FAM83B: variants seen among roughly 807,000 people sequenced by gnomAD.
The protein encoded by FAM83B is protein FAM83B.
Under a neutral mutation model 38.8 loss-of-function variants are expected in FAM83B, and 26 were observed. The ratio of observed to expected loss-of-function variants is 0.67; its 90% confidence interval spans 0.49 to 0.93. FAM83B has a LOEUF of 0.93. Ranked by LOEUF, FAM83B falls within the 40% of genes least tolerant of loss-of-function variation. The pLI, the probability that FAM83B is intolerant of heterozygous loss-of-function variation, is 0.00. For missense variants in FAM83B, 1,237 were observed against 1,197.3 expected, an observed-to-expected ratio of 1.03 and a Z score of -0.49; for synonymous variants, 419 against 423.1, an observed-to-expected ratio of 0.99 and a Z score of 0.12.
chr6:54,911,311 A>C (rs925471839), intron 2 of FAM83B, among the ~76,000 whole-genome samples: 9 of 152,020 alleles, frequency 5.9e-5, no homozygotes, highest in Non-Finnish European at 1.2e-4. Context: ...AGAAAAAAAA[A>C]AACAAAAGCA....
intron 2 of FAM83B, among the ~76,000 whole-genome samples, chr6:54,900,502 T>C (rs1298741459): frequency 2.0e-5 from 3 of 152,136 alleles, no homozygotes. Context: ...AGTTCAAAAA[T>C]ATAAAAAATA....
intron 2 of FAM83B, among the ~76,000 whole-genome samples, chr6:54,880,375 A>G (rs73439703): frequency 0.095 from 14,504 of 151,986 alleles, 793 homozygotes; most frequent in South Asian, 0.15. Flanking sequence ...TACAGATAAA[A>G]TACCTCCAAA....
intron 2 of FAM83B, among the ~76,000 whole-genome samples, chr6:54,896,388 C>T (rs1772535282): frequency 6.6e-6 from 1 of 152,100 alleles, no homozygotes; most frequent in Non-Finnish European, 1.5e-5. Context: ...ACATGCAAAG[C>T]TTGTTGGTAG....
chr6:54,860,232 A>T (rs1771545637), intron 1 of FAM83B, among the ~76,000 whole-genome samples: 1 of 152,152 alleles, frequency 6.6e-6, no homozygotes. Flanking sequence ...TTGCATTTGA[A>T]TAGTGGTGTT....
rs563606615 is a variant in FAM83B at position 54,926,547 on chromosome 6, G to GTT, written c.609+21_609+22dup. The GTT allele has an allele frequency of 9.7e-5, 132 of 1,367,810 alleles. No individual in the cohort carries two copies. The highest frequency in any genetic ancestry group is 3.1e-4 in the South Asian group (20 of 63,532). The allele number at this position is 1,367,810 out of a possible 1,614,324, so 84.7% of individuals were successfully genotyped here. On this transcript the variant is annotated intron_variant, in intron 3 of 4. Coordinates refer to ENST00000306858, the MANE Select transcript of FAM83B (RefSeq NM_001010872.3). ...TTCAGCGTCTCAGGGTAAGAATTCT[G>GTT]TTTTTTTTTTCCTCAAGTATTTTAT...
At chr6:54,854,598 T>A (rs1165175410) in intron 1 of FAM83B, among the ~76,000 whole-genome samples, 1 of 152,210 alleles carries the variant, frequency 6.6e-6, no homozygotes, top group Non-Finnish European at 1.5e-5. Context: ...TTCATTGATG[T>A]TTCAGACATA....
intron 2 of FAM83B, among the ~76,000 whole-genome samples, chr6:54,880,445 T>TC (rs1247359123): frequency 7.0e-6 from 1 of 143,782 alleles, no homozygotes; most frequent in Non-Finnish European, 1.5e-5. Flanking sequence ...AGGTTTCTTT[T>TC]TTTTTTTTTT....
chr6:54,903,838 T>A (rs1437872601), intron 2 of FAM83B, among the ~76,000 whole-genome samples: 1 of 152,046 alleles, frequency 6.6e-6, no homozygotes, highest in Non-Finnish European at 1.5e-5. Flanking sequence ...TTCTGTACAG[T>A]CTTACATTTC....
chr6:54,928,603 CAT>C (rs1468444569), intron 4 of FAM83B, among the ~76,000 whole-genome samples: 4 of 152,092 alleles, frequency 2.6e-5, no homozygotes, highest in Admixed American at 2.6e-4. Flanking sequence ...CAAATGAAAA[CAT>C]ATTAACAGCA....
intron 2 of FAM83B, among the ~76,000 whole-genome samples, chr6:54,878,846 GCAT>G (rs1772059340): frequency 6.6e-6 from 1 of 151,956 alleles, no homozygotes; most frequent in Admixed American, 6.6e-5. Flanking sequence ...CTAAGAATGA[GCAT>G]ATCAGATATT....
chr6:54,868,357 AG>A (rs1178639387), intron 1 of FAM83B, among the ~76,000 whole-genome samples: 1 of 152,174 alleles, frequency 6.6e-6, no homozygotes, highest in Non-Finnish European at 1.5e-5. Context: ...AAATGTCTCC[AG>A]ATGTTGTCAG....
chr6:54,911,062 C>T (rs1419881651), intron 2 of FAM83B, among the ~76,000 whole-genome samples: 4 of 151,178 alleles, frequency 2.6e-5, no homozygotes, highest in African/African-American at 7.3e-5. Flanking sequence ...TTTTTCTTTT[C>T]TTAGTCTGTT....
At chr6:54,848,850 A>G (rs1771200461) in intron 1 of FAM83B, among the ~76,000 whole-genome samples, 1 of 152,198 alleles carries the variant, frequency 6.6e-6, no homozygotes, top group Non-Finnish European at 1.5e-5. Flanking sequence ...AAAAGAGGCC[A>G]CTTAGCTTAA....
At position 54,940,204 on chromosome 6, in the gene FAM83B, T is replaced by G. The variant is rs1185326557; in HGVS notation, c.1233T>G (p.Asn411Lys). ...ATAGGGCTCTGAATAGAACCAATAA[T>G]CCACCTGGTAATTGGAAAAAGCCAT... ...LLNRALNRTN[N>K]PPGNWKKPSD... The change falls in exon 5 of 5, where the codon AAT (asparagine) becomes AAG (lysine). Residue 411 changes from asparagine to lysine, a missense_variant. Asn to Lys is a moderately conservative substitution (Grantham distance 94). Coordinates refer to ENST00000306858, the MANE Select transcript of FAM83B (RefSeq NM_001010872.3). 2 of 1,613,902 alleles carry G rather than the reference T, an allele frequency of 1.2e-6. No homozygotes were observed. Among genetic ancestry groups the G allele is most frequent in the South Asian group, 1.1e-5 (1 of 91,086 alleles).
intron 1 of FAM83B, among the ~76,000 whole-genome samples, chr6:54,852,170 G>A (rs1020767824): frequency 1.3e-5 from 2 of 152,180 alleles, no homozygotes; most frequent in South Asian, 2.1e-4. Flanking sequence ...AAAATTAGAA[G>A]CATATCTCGT....
chr6:54,935,794 GAGA>G (rs1353941836), intron 4 of FAM83B, among the ~76,000 whole-genome samples: 1 of 152,102 alleles, frequency 6.6e-6, no homozygotes, highest in Non-Finnish European at 1.5e-5. Flanking sequence ...ACTGATTTGT[GAGA>G]AGTTTTGCAA....
At chr6:54,920,983 G>A (rs239802) in intron 2 of FAM83B, among the ~76,000 whole-genome samples, 35,884 of 151,692 alleles carry the variant, frequency 0.24, 5,433 homozygotes, top group African/African-American at 0.43. Context: ...TTTATTCCTT[G>A]CTTGTGAGCA....
chr6:54,849,046 A>C (rs755447851), intron 1 of FAM83B, among the ~76,000 whole-genome samples: 1 of 152,160 alleles, frequency 6.6e-6, no homozygotes, highest in Non-Finnish European at 1.5e-5. Context: ...TGATCTGGAG[A>C]TGGAATGTAT....
intron 2 of FAM83B, among the ~76,000 whole-genome samples, chr6:54,899,203 T>G (rs1242648206): frequency 6.6e-6 from 1 of 152,150 alleles, no homozygotes; most frequent in African/African-American, 2.4e-5. Context: ...TATAAATAGA[T>G]AAAGTAGAAA....
Sources: allele counts gnomAD v4.1 joint callset (sites outside exome capture counted in the v4.1 genomes callset), GRCh38; gene constraint gnomAD v4.1.1; transcripts MANE v1.5; gene names NCBI Gene and HGNC (gene_info 2026-07-23, HGNC 2026-07-21).